The following PCNX1 variants were observed in gnomAD, a reference collection of about 807,000 sequenced individuals.
The protein encoded by PCNX1 is pecanex 1.
PCNX1 carries 78 observed loss-of-function variants against 242.2 expected under a neutral mutation model. The observed-to-expected ratio is 0.32, with a 90% CI of 0.27 to 0.39. The LOEUF is 0.39. Ranked by LOEUF, PCNX1 falls within the 10% of genes least tolerant of loss-of-function variation. PCNX1 has a pLI of 1.00. For missense variants in PCNX1, 2,581 were observed against 2,856.5 expected (o/e 0.90, Z 2.20); for synonymous variants, 1,024 against 1,032.9 (o/e 0.99, Z 0.17).
At chr14:70,995,246 A>G (rs1848220458) in intron 7 of PCNX1, among the ~76,000 whole-genome samples, 1 of 152,080 alleles carries the variant, frequency 6.6e-6, no homozygotes, top group Non-Finnish European at 1.5e-5. Flanking sequence ...GTTGCATTTG[A>G]TAAGATTATT....
At chr14:71,087,706 A>T (rs946741225) in intron 28 of PCNX1, among the ~76,000 whole-genome samples, 1 of 152,162 alleles carries the variant, frequency 6.6e-6, no homozygotes, top group Non-Finnish European at 1.5e-5. Context: ...GGTAACTGAG[A>T]TGCTACCAAG....
intron 25 of PCNX1, among the ~76,000 whole-genome samples, chr14:71,055,985 A>G (rs1318688533): frequency 6.6e-6 from 1 of 152,188 alleles, no homozygotes; most frequent in Non-Finnish European, 1.5e-5. Context: ...CAGAGATGTC[A>G]TCAAGTGGGA....
chr14:70,971,834 T>C (rs1436784940), intron 5 of PCNX1, among the ~76,000 whole-genome samples: 3 of 152,134 alleles, frequency 2.0e-5, no homozygotes, highest in East Asian at 1.9e-4. Flanking sequence ...AGCATGCCTG[T>C]CAGGTTTGAG....
chr14:70,926,214 C>G (rs532562294), intron 1 of PCNX1, among the ~76,000 whole-genome samples: 3 of 152,170 alleles, frequency 2.0e-5, no homozygotes, highest in Admixed American at 6.5e-5. Context: ...CAGGGTTAGC[C>G]TTGTTCTGTG....
intron 26 of PCNX1, among the ~76,000 whole-genome samples, chr14:71,059,918 A>C (rs1022287442): frequency 1.3e-5 from 2 of 152,116 alleles, no homozygotes; most frequent in Non-Finnish European, 2.9e-5. Flanking sequence ...TTCTTTACTA[A>C]GGACTCCTTA....
At chr14:71,105,824 A>G (rs2062599332) in intron 33 of PCNX1, among the ~76,000 whole-genome samples, 1 of 151,352 alleles carries the variant, frequency 6.6e-6, no homozygotes, top group South Asian at 2.1e-4. Context: ...TACAGGCGTG[A>G]GCCACCACAC....
At chr14:71,029,714 G>C (rs2060330721) in intron 16 of PCNX1, among the ~76,000 whole-genome samples, 1 of 152,178 alleles carries the variant, frequency 6.6e-6, no homozygotes, top group Admixed American at 6.5e-5. Flanking sequence ...AACAAGAAAT[G>C]AAGACCCATG....
At chr14:71,059,919 G>A (rs1363848344) in intron 26 of PCNX1, among the ~76,000 whole-genome samples, 7 of 152,070 alleles carry the variant, frequency 4.6e-5, no homozygotes, top group Non-Finnish European at 8.8e-5. Context: ...TCTTTACTAA[G>A]GACTCCTTAT....
chr14:70,951,217 A>G (rs568659948), intron 2 of PCNX1, among the ~76,000 whole-genome samples: 14 of 152,132 alleles, frequency 9.2e-5, no homozygotes, highest in Admixed American at 9.2e-4. Flanking sequence ...TACTTATGCT[A>G]GTTTCTGAAC....
rs1443074603 is a variant in PCNX1 at position 70,907,717 on chromosome 14, G to A, written c.-134G>A. The A allele has an allele frequency of 2.8e-6, 3 of 1,086,112 alleles. No homozygotes were observed. Among genetic ancestry groups the A allele is most frequent in the Admixed American group, 4.7e-5 (1 of 21,110 alleles). 67.3% of individuals were successfully genotyped at this position (1,086,112 alleles called of 1,614,324 possible). On this transcript the variant is annotated 5_prime_UTR_variant, in exon 1 of 36. Coordinates refer to ENST00000304743, the MANE Select transcript of PCNX1 (RefSeq NM_014982.3). ...TGCAGCAGCACCAGCGACCGCCGAA[G>A]CGCCGGCTCGCTCACCCGGAGCTCC...
At chr14:70,962,137 A>G (rs540305110) in intron 2 of PCNX1, 89 bp from the exon 3 acceptor site, 1 of 830,938 alleles carries the variant, frequency 1.2e-6, no homozygotes, top group East Asian at 2.5e-5. Context: ...AGTTTTGTGG[A>G]AAAAAGTATA....
In PCNX1 at chr14:71,103,368, C is replaced by G. The variant is rs2062515384; in HGVS notation, c.5821-27C>G. 7 of 1,610,584 alleles carry G rather than the reference C, an allele frequency of 4.3e-6. No individual in the cohort carries two copies. In the South Asian group the frequency reaches 7.7e-5, roughly 18 times the overall value. On this transcript the variant is annotated intron_variant, in intron 31 of 35. Coordinates refer to ENST00000304743, the MANE Select transcript of PCNX1 (RefSeq NM_014982.3). Reference sequence around the variant, plus strand: ...TGAATTTTATTCTTGGCCCCTTAACCTAATTCCCTTGTGTTCTGGTTTTCA... The same window carrying G: ...TGAATTTTATTCTTGGCCCCTTAACGTAATTCCCTTGTGTTCTGGTTTTCA...
At chr14:70,971,115 G>GGTTTTTTT (rs2058526155) in intron 5 of PCNX1, among the ~76,000 whole-genome samples, 1 of 14,510 alleles carries the variant, frequency 6.9e-5, no homozygotes, top group Non-Finnish European at 1.2e-4. Context: ...ACTTTATATA[G>GGTTTTTTT]TTTTTTTTTT....
intron 12 of PCNX1, 41 bp downstream of exon 12, chr14:71,019,203 G>A: frequency 2.0e-6 from 3 of 1,497,762 alleles, no homozygotes; most frequent in Non-Finnish European, 2.7e-6. Flanking sequence ...AATTATATTT[G>A]TGTTAAAAGG....
At chr14:70,947,428 CTG>C (rs2057501420) in intron 2 of PCNX1, among the ~76,000 whole-genome samples, 2 of 152,200 alleles carry the variant, frequency 1.3e-5, no homozygotes, top group South Asian at 4.1e-4. Flanking sequence ...AGAACATAAA[CTG>C]TGAGGATTTC....
intron 18 of PCNX1, 70 bp from the exon 19 acceptor site, chr14:71,035,995 T>C (rs1192729641): frequency 1.9e-6 from 2 of 1,026,076 alleles, no homozygotes; most frequent in Admixed American, 1.9e-5. Flanking sequence ...ACTTTGCCAA[T>C]TGGGAATAAA....
chr14:71,034,383 G>A (rs552060151), intron 18 of PCNX1, among the ~76,000 whole-genome samples: 120 of 151,952 alleles, frequency 7.9e-4, no homozygotes, highest in Non-Finnish European at 1.5e-3. Context: ...TGTTGTTGTT[G>A]TTCATCTTGT....
chr14:70,970,367 C>G (rs1025577850), intron 5 of PCNX1, among the ~76,000 whole-genome samples: 1 of 152,054 alleles, frequency 6.6e-6, no homozygotes, highest in African/African-American at 2.4e-5. Context: ...CCCTTTCTCT[C>G]TCTCTCAGTC....
intron 24 of PCNX1, among the ~76,000 whole-genome samples, chr14:71,053,920 C>T (rs950725382): frequency 1.3e-5 from 2 of 152,020 alleles, no homozygotes; most frequent in African/African-American, 4.8e-5. Context: ...CCTGTACATT[C>T]AGTCAGGTGC....
Sources: gnomAD v4.1 joint callset for allele counts (sites outside exome capture counted in the v4.1 genomes callset) on GRCh38, gnomAD v4.1.1 for gene constraint, MANE v1.5 for transcripts, NCBI Gene and HGNC (gene_info 2026-07-23, HGNC 2026-07-21) for gene names.